The following PRKN variants were observed in gnomAD, a reference collection of about 807,000 sequenced individuals.
The protein encoded by PRKN is parkin RBR E3 ubiquitin protein ligase, also known as E3 ubiquitin-protein ligase parkin.
A neutral mutation model predicts 59.5 loss-of-function variants in PRKN; 56 were observed. That is an observed-to-expected ratio of 0.94 (90% CI 0.76 to 1.18). The LOEUF is 1.18. Among genes scored for constraint, PRKN ranks in the 50% most tolerant of loss-of-function variants. The pLI, the probability that PRKN is intolerant of heterozygous loss-of-function variation, is 0.00. For synonymous variants in PRKN, 250 were observed against 222.1 expected, an observed-to-expected ratio of 1.13 and a Z score of -1.12; for missense variants, 657 against 596.4, an observed-to-expected ratio of 1.10 and a Z score of -1.06.
At chr6:162,608,637 T>A (rs1782015226) in intron 1 of PRKN, among the ~76,000 whole-genome samples, 1 of 152,164 alleles carries the variant, frequency 6.6e-6, no homozygotes, top group South Asian at 2.1e-4. Context: ...CCAATCCCAA[T>A]TCTTGGCCCT....
rs1315731011 is a variant in PRKN at position 161,357,889 on chromosome 6, A to T, written c.1285+2199T>A. 1.3e-5 allele frequency among the ~76,000 whole-genome samples: 2 copies of T among 152,186 alleles called. No homozygotes were observed. The highest frequency in any genetic ancestry group is 2.1e-4 in the South Asian group (1 of 4,822). On this transcript the variant is annotated intron_variant, in intron 11 of 11. Transcript: ENST00000366898. This position sits in a 1 kb window ranked among gnomAD's most constrained non-coding sequence, Gnocchi z 5.5. ...TACTCCTCCTGCCCATGCTGTGAGG[A>T]AGTCCCATTGAAACCCATCTTATGA...
chr6:161,663,294 G>C (rs1178896806), intron 7 of PRKN, among the ~76,000 whole-genome samples: 2 of 152,124 alleles, frequency 1.3e-5, no homozygotes, highest in African/African-American at 4.8e-5. Context: ...TGAAATCCTA[G>C]CTCTGACACC....
intron 7 of PRKN, among the ~76,000 whole-genome samples, chr6:161,731,690 A>G (rs192253062): frequency 5.5e-4 from 84 of 152,350 alleles, no homozygotes; most frequent in African/African-American, 1.9e-3. Flanking sequence ...ATTACAAGTC[A>G]GAAATTAAAC....
At chr6:161,868,789 G>T (rs1794224976) in intron 6 of PRKN, among the ~76,000 whole-genome samples, 1 of 152,020 alleles carries the variant, frequency 6.6e-6, no homozygotes, top group African/African-American at 2.4e-5. Flanking sequence ...TATGAGGAGG[G>T]AAAAAAATAT....
intron 2 of PRKN, among the ~76,000 whole-genome samples, chr6:162,324,158 T>C (rs572583016): frequency 6.6e-6 from 1 of 152,072 alleles, no homozygotes; most frequent in African/African-American, 2.4e-5. Context: ...TTAAAATAAT[T>C]ATGTTTAATA....
intron 3 of PRKN, among the ~76,000 whole-genome samples, chr6:162,205,519 CTAGG>C (rs776791122): frequency 4.0e-5 from 6 of 151,720 alleles, no homozygotes; most frequent in African/African-American, 9.7e-5. Context: ...AATTTGTTTT[CTAGG>C]TGGGGAGAGA....
At position 161,757,945 on chromosome 6, in the gene PRKN, A is replaced by G. The variant is rs1248258534; in HGVS notation, c.871+27827T>C. 1.5e-5 allele frequency among the ~76,000 whole-genome samples: 2 copies of G among 134,690 alleles called. 1 individual carries two copies. Among genetic ancestry groups the G allele is most frequent in the African/African-American group, 5.4e-5 (2 of 36,972 alleles). 88.4% of individuals were successfully genotyped at this position (134,690 alleles called of 152,430 possible). ...CATCTCTCTCTCTGTATATATATGT[A>G]TATATATATACAGTTAAATATATAT... is the stretch of plus-strand genomic sequence containing the variant. On this transcript the variant is annotated intron_variant, in intron 7 of 11. Transcript: ENST00000366898.
chr6:161,903,444 G>A (rs1294718210), intron 6 of PRKN, among the ~76,000 whole-genome samples: 13 of 152,168 alleles, frequency 8.5e-5, no homozygotes, highest in Admixed American at 5.9e-4. Context: ...CAAACTTCGC[G>A]AAGGCAAAGA....
At chr6:161,731,699 A>G (rs1787718964) in intron 7 of PRKN, among the ~76,000 whole-genome samples, 1 of 152,178 alleles carries the variant, frequency 6.6e-6, no homozygotes, top group South Asian at 2.1e-4. Context: ...CAGAAATTAA[A>G]CTCTATAAAG....
intron 1 of PRKN, chr6:162,727,336 A>AGGTGAGGGGCGGCGGCGGGGT: frequency 3.6e-6 from 1 of 274,936 alleles, no homozygotes; most frequent in Non-Finnish European, 6.5e-6. Flanking sequence ...GGCGGCGGGG[A>AGGTGAGGGGCGGCGGCGGGGT]GAAGGCTTCG....
chr6:162,442,327 C>T (rs1175815213), intron 2 of PRKN, among the ~76,000 whole-genome samples: 1 of 152,180 alleles, frequency 6.6e-6, no homozygotes, highest in Non-Finnish European at 1.5e-5. Context: ...CAGCTGTAAA[C>T]CTGAGTGCAA....
chr6:162,551,550 T>G (rs891998430), intron 1 of PRKN, among the ~76,000 whole-genome samples: 4 of 152,200 alleles, frequency 2.6e-5, no homozygotes, highest in Non-Finnish European at 5.9e-5. Flanking sequence ...CTTTTTCTTT[T>G]GGATATGCCG....
intron 9 of PRKN, among the ~76,000 whole-genome samples, chr6:161,469,547 A>AGAG (rs1790667372): frequency 8.5e-6 from 1 of 117,824 alleles, no homozygotes; most frequent in African/African-American, 4.0e-5. Flanking sequence ...GAACAAGAGA[A>AGAG]AGAGAGAGAG....
At chr6:162,688,277 T>C (rs1346000419) in intron 1 of PRKN, among the ~76,000 whole-genome samples, 1 of 152,128 alleles carries the variant, frequency 6.6e-6, no homozygotes, top group Non-Finnish European at 1.5e-5. Flanking sequence ...TGTCAGATGG[T>C]GGTGACTTTC....
In PRKN at chr6:161,413,910, T is replaced by A. The variant is rs1176324739; in HGVS notation, c.1084-27033A>T. 1.3e-5 allele frequency among the ~76,000 whole-genome samples: 2 copies of A among 152,114 alleles called. No individual in the cohort carries two copies. The highest frequency in any genetic ancestry group is 4.8e-5 in the African/African-American group (2 of 41,396). On this transcript the variant is annotated intron_variant, in intron 9 of 11. Coordinates refer to ENST00000366898, the MANE Select transcript of PRKN (RefSeq NM_004562.3). The surrounding 1 kb of genome is among the most constrained non-coding windows in gnomAD (Gnocchi z 4.4). ...CCAGCTGCTGTTCCTTTCTCTTTCC[T>A]GCCTTCTGAAGAGGAGACTGTGGAA...
intron 7 of PRKN, chr6:161,715,946 A>ACTC (rs778396447): frequency 4.1e-5 from 18 of 442,888 alleles, no homozygotes; most frequent in Non-Finnish European, 6.6e-5. Flanking sequence ...AAATTATGAT[A>ACTC]CTCCACCCTA....
At chr6:161,879,035 T>C (rs1172379342) in intron 6 of PRKN, among the ~76,000 whole-genome samples, 3 of 152,122 alleles carry the variant, frequency 2.0e-5, no homozygotes, top group Non-Finnish European at 4.4e-5. Context: ...GGCAGGAATT[T>C]AAAGTGCCGA....
rs1481197282 is a variant in PRKN, at chr6:162,649,953, G to A, written c.7+77709C>T. On this transcript the variant is annotated intron_variant, in intron 1 of 11. Transcript: ENST00000366898. The stretch of plus-strand genomic sequence containing the variant: ...ATTTTTGAAGAAAAGACAGAAATCT[G>A]AACATTCTGCCTGGGAATTAGACAG... Among the ~76,000 whole-genome samples the A allele has an allele frequency of 2.0e-5, 3 of 152,126 alleles. No individual in the cohort carries two copies. The East Asian group carries it at 5.8e-4, about 29-fold the overall frequency.
At chr6:162,013,999 G>T (rs932021641) in intron 5 of PRKN, among the ~76,000 whole-genome samples, 4 of 151,904 alleles carry the variant, frequency 2.6e-5, no homozygotes, top group Non-Finnish European at 4.4e-5. Context: ...CATTAACAAG[G>T]TTCCAAAGGT....
Sources: allele counts gnomAD v4.1 joint callset (sites outside exome capture counted in the v4.1 genomes callset), GRCh38; gene constraint gnomAD v4.1.1; non-coding constraint Gnocchi (gnomAD v3.1); transcripts MANE v1.5; gene names NCBI Gene and HGNC (gene_info 2026-07-23, HGNC 2026-07-21).